The following NBEAL2 variants were observed in gnomAD, a reference collection of about 807,000 sequenced individuals.
The protein encoded by NBEAL2 is neurobeachin-like protein 2.
A neutral mutation model predicts 299.8 loss-of-function variants in NBEAL2; 160 were observed. The observed-to-expected ratio is 0.53, with a 90% confidence interval of 0.47 to 0.61. The LOEUF (loss-of-function observed/expected upper bound fraction) is 0.61, where lower values mean the gene tolerates loss of function less well. Among genes scored for constraint, NBEAL2 ranks in the 20% least tolerant of loss-of-function variants. The pLI is 0.00. For missense variants in NBEAL2, 3,112 were observed against 3,649.0 expected (o/e 0.85, Z 3.79); for synonymous variants, 1,493 against 1,542.3 (o/e 0.97, Z 0.75).
At chr3:46,990,991 C>T (rs940679743) in intron 6 of NBEAL2, among the ~76,000 whole-genome samples, 1 of 152,124 alleles carries the variant, frequency 6.6e-6, no homozygotes, top group African/African-American at 2.4e-5. Flanking sequence ...TCTTTGTCAC[C>T]CTTAAGTCCC....
At position 47,003,987 on chromosome 3, in the gene NBEAL2, G is replaced by T. The variant is rs201179667; in HGVS notation, c.5881+11G>T. The T allele has an allele frequency of 5.0e-6, 8 of 1,612,324 alleles. No individual in the cohort carries two copies. The East Asian group carries it at 1.8e-4, about 36-fold the overall frequency. On this transcript the variant is annotated intron_variant, in intron 36 of 53. Transcript: ENST00000450053. This position sits in a 1 kb window ranked among gnomAD's most constrained non-coding sequence, Gnocchi z 7.0. The stretch of plus-strand genomic sequence containing the variant: ...TGGAAACCGAGGAGGGTGCGTCCTG[G>T]TGGTGTGGTTTAGGAGGATGGCAGG...
intron 1 of NBEAL2, among the ~76,000 whole-genome samples, chr3:46,984,502 T>A (rs1308728615): frequency 1.3e-5 from 2 of 152,178 alleles, no homozygotes; most frequent in African/African-American, 4.8e-5. Context: ...ATCTTCCTGC[T>A]TCATCCCATG....
intron 15 of NBEAL2, 65 bp from the exon 16 acceptor site, chr3:46,996,206 C>T: frequency 2.5e-6 from 4 of 1,588,974 alleles, no homozygotes; most frequent in Non-Finnish European, 3.4e-6. Context: ...CTGTGAGGAA[C>T]TGGTTGTAGG....
At position 46,991,768 on chromosome 3, in the gene NBEAL2, G is replaced by A; in HGVS notation, c.926-72G>A. Reference sequence around the variant, plus strand: ...AGTGATGATGGAAGGTCTGGATAGGGCAGCATAGGAAGGAAGGCTTAAGGC... The same window carrying A: ...AGTGATGATGGAAGGTCTGGATAGGACAGCATAGGAAGGAAGGCTTAAGGC... On this transcript the variant is annotated intron_variant, in intron 8 of 53. Transcript: ENST00000450053. The surrounding 1 kb of genome is among the most constrained non-coding windows in gnomAD (Gnocchi z 6.2). 11 of 1,562,774 alleles carry A rather than the reference G, an allele frequency of 7.0e-6. No individual in the cohort carries two copies. The highest frequency in any genetic ancestry group is 9.5e-6 in the Non-Finnish European group (11 of 1,153,372).
In NBEAL2 at chr3:46,988,809, TC is replaced by T. The variant is rs747122224; in HGVS notation, c.141-31del. 13 of 1,603,338 alleles carry T rather than the reference TC, an allele frequency of 8.1e-6. No individual in the cohort carries two copies. The Admixed American group carries it at 1.2e-4, about 14-fold the overall frequency. On this transcript the variant is annotated intron_variant, in intron 2 of 53. Coordinates refer to ENST00000450053, the MANE Select transcript of NBEAL2 (RefSeq NM_015175.3). The surrounding 1 kb of genome is among the most constrained non-coding windows in gnomAD (Gnocchi z 4.4). ...GGGACAGAGCAGGGAGATTGAGGGG[TC>T]CTCAGCACCCGTGTCTCCCCTTTCC...
chr3:47,002,617 G>C, intron 32 of NBEAL2, 28 bp from the exon 33 acceptor site: 5 of 1,607,872 alleles, frequency 3.1e-6, no homozygotes, highest in Non-Finnish European at 4.2e-6. Context: ...GCAGCAGCCA[G>C]GGGACTGACC....
intron 1 of NBEAL2, among the ~76,000 whole-genome samples, chr3:46,985,943 G>A (rs746698023): frequency 2.0e-5 from 3 of 152,146 alleles, no homozygotes; most frequent in Non-Finnish European, 2.9e-5. Context: ...CCATGCTCTC[G>A]TCCCCTGCCA....
chr3:46,985,666 C>G (rs552697750), intron 1 of NBEAL2, among the ~76,000 whole-genome samples: 1 of 152,334 alleles, frequency 6.6e-6, no homozygotes, highest in East Asian at 1.9e-4. Flanking sequence ...ACAACCTTCT[C>G]CCCTGCTGCA....
intron 18 of NBEAL2, 97 bp downstream of exon 18, chr3:46,997,143 G>T: frequency 6.4e-7 from 1 of 1,556,172 alleles, no homozygotes; most frequent in South Asian, 1.1e-5. Context: ...GCCTGGGGAG[G>T]ATTTGGACAG....
intron 1 of NBEAL2, among the ~76,000 whole-genome samples, chr3:46,987,082 T>C (rs1381034775): frequency 6.6e-6 from 1 of 152,248 alleles, no homozygotes; most frequent in Non-Finnish European, 1.5e-5. Flanking sequence ...CACTAAACTG[T>C]ACCAGGGAGT....
At position 47,000,174 on chromosome 3, in the gene NBEAL2, G is replaced by C. The variant is rs1217628095; in HGVS notation, c.4075G>C (p.Gly1359Arg). 3 of 1,613,772 alleles carry C rather than the reference G, an allele frequency of 1.9e-6. No individual in the cohort carries two copies. The highest frequency in any genetic ancestry group is 2.5e-6 in the Non-Finnish European group (3 of 1,179,874). The change falls in exon 27 of 54, where the codon GGC (glycine) becomes CGC (arginine). Residue 1359 changes from glycine (G) to arginine (R), a missense_variant. This residue lies in a region of NBEAL2 where 2,243 missense variants were observed against 2,538.1 expected (regional missense o/e 0.88). Transcript: ENST00000450053. The surrounding 1 kb of genome is among the most constrained non-coding windows in gnomAD (Gnocchi z 4.5). ...LSPFCTPFDL[G>R]LERSSVGSGN... ...CCCATTCTGCACGCCCTTTGACCTG[G>C]GCCTGGAACGGTCTAGTGTAGGATC... is the stretch of plus-strand genomic sequence containing the variant.
chr3:47,007,539 T>C lies in NBEAL2; in HGVS notation c.7349T>C (p.Leu2450Pro). 1.2e-6 allele frequency: 2 copies of C among 1,612,056 alleles called. No individual in the cohort carries two copies. Among genetic ancestry groups the C allele is most frequent in the Non-Finnish European group, 1.7e-6 (2 of 1,179,430 alleles). The change falls in exon 48 of 54, where the codon CTG (leucine) becomes CCG (proline). Residue 2450 changes from leucine to proline, a missense_variant. Leu to Pro is a moderately conservative substitution (Grantham distance 98, BLOSUM62 -3). This residue lies in a region of NBEAL2 where 521 missense variants were observed against 729.6 expected (regional missense o/e 0.71). Transcript: ENST00000450053. ...CACTGGGTCAGGACGCAGCGACTGC[T>C]GAGTGGCCCGTGGGTGCCAGGCAGT... ...TMGSHKTQRL[L>P]SGPWVPGSGV...
chr3:46,997,999 C>T, intron 20 of NBEAL2, 68 bp from the exon 21 acceptor site: 1 of 1,479,334 alleles, frequency 6.8e-7, no homozygotes, highest in Non-Finnish European at 9.0e-7. Flanking sequence ...GGAAGAGTGG[C>T]AGCTGAAAAG....
intron 52 of NBEAL2, 115 bp downstream of exon 52, chr3:47,008,783 G>GT: frequency 6.6e-7 from 1 of 1,506,282 alleles, no homozygotes; most frequent in East Asian, 2.4e-5. Context: ...TTCAAGGTTT[G>GT]TTACCTGTCC....
At chr3:46,993,859 C>T (rs2036279512) in intron 10 of NBEAL2, 78 bp from the exon 11 acceptor site, 1 of 1,340,250 alleles carries the variant, frequency 7.5e-7, no homozygotes, top group South Asian at 1.3e-5. Flanking sequence ...CTTGGCTCTG[C>T]ACCTTTTTTA....
intron 1 of NBEAL2, among the ~76,000 whole-genome samples, chr3:46,983,690 G>A (rs1379427149): frequency 1.3e-5 from 2 of 152,108 alleles, no homozygotes; most frequent in Non-Finnish European, 2.9e-5. Context: ...TTTGGTGCTT[G>A]GTCCCCTGCC....
intron 25 of NBEAL2, 48 bp from the exon 26 acceptor site, chr3:46,999,582 C>T: frequency 1.3e-6 from 2 of 1,594,068 alleles, no homozygotes; most frequent in African/African-American, 2.7e-5. Flanking sequence ...GGGCCCTGCC[C>T]TTTCTAGTCT....
At position 47,000,777 on chromosome 3, in the gene NBEAL2, G is replaced by C. The variant is rs544237712; in HGVS notation, c.4306-224G>C. 1.1e-4 allele frequency among the ~76,000 whole-genome samples: 16 copies of C among 152,298 alleles called. No individual in the cohort carries two copies. The highest frequency in any genetic ancestry group is 3.6e-4 in the African/African-American group (15 of 41,568). On this transcript the variant is annotated intron_variant, in intron 27 of 53. Coordinates refer to ENST00000450053, the MANE Select transcript of NBEAL2 (RefSeq NM_015175.3). The surrounding 1 kb of genome is among the most constrained non-coding windows in gnomAD (Gnocchi z 4.5). ...ATGTGAACTGCCTCATCTCCTCTTG[G>C]GAGTCTGGCAAGACCCCAGGATTCT...
Position 46,982,885 on chromosome 3 carries a change from G to C in NBEAL2, c.51+2973G>C, listed in dbSNP as rs1442082370. ...GCTCCCCCAGGGTAGGCATAGGAAG[G>C]GCAGGAGAGTCTTGGGGGACTGGGG... On this transcript the variant is annotated intron_variant, in intron 1 of 53. Coordinates refer to ENST00000450053, the MANE Select transcript of NBEAL2 (RefSeq NM_015175.3). The surrounding 1 kb of genome is among the most constrained non-coding windows in gnomAD (Gnocchi z 4.2). Among the ~76,000 whole-genome samples the C allele has an allele frequency of 1.3e-5, 2 of 152,186 alleles. No individual in the cohort carries two copies. The highest frequency in any genetic ancestry group is 4.8e-5 in the African/African-American group (2 of 41,428).
Sources: allele counts gnomAD v4.1 joint callset (sites outside exome capture counted in the v4.1 genomes callset), GRCh38; gene constraint gnomAD v4.1.1; regional missense constraint gnomAD v4.1.1; non-coding constraint Gnocchi (gnomAD v3.1); transcripts MANE v1.5; gene names NCBI Gene and HGNC (gene_info 2026-07-23, HGNC 2026-07-21).